Variants in CNTN5 observed in about 807,000 individuals in gnomAD.
CNTN5 encodes contactin 5.
CNTN5 carries 77 observed loss-of-function variants against 129.1 expected under a neutral mutation model. That is an observed-to-expected ratio of 0.60 (90% CI 0.50 to 0.72). The LOEUF (loss-of-function observed/expected upper bound fraction) is 0.72, where lower values mean the gene tolerates loss of function less well. CNTN5 is among the 30% of genes least tolerant of loss of function. The pLI, the probability that CNTN5 is intolerant of heterozygous loss-of-function variation, is 0.00. For synonymous variants in CNTN5, 509 were observed against 465.6 expected, an observed-to-expected ratio of 1.09 and a Z score of -1.20; for missense variants, 1,478 against 1,328.8, an observed-to-expected ratio of 1.11 and a Z score of -1.75.
At chr11:99,645,956 A>G (rs1353207249) in intron 3 of CNTN5, among the ~76,000 whole-genome samples, 1 of 152,196 alleles carries the variant, frequency 6.6e-6, no homozygotes, top group African/African-American at 2.4e-5. Flanking sequence ...TTAAAAAATA[A>G]TTGCCTAATA....
intron 3 of CNTN5, among the ~76,000 whole-genome samples, chr11:99,618,990 A>G (rs947427428): frequency 6.6e-6 from 1 of 152,212 alleles, no homozygotes; most frequent in Non-Finnish European, 1.5e-5. Context: ...TCACATGCCA[A>G]ATGCACATCT....
intron 2 of CNTN5, among the ~76,000 whole-genome samples, chr11:99,437,270 A>G (rs1943636175): frequency 6.6e-6 from 1 of 152,234 alleles, no homozygotes; most frequent in African/African-American, 2.4e-5. Context: ...TCACACAACT[A>G]GGAATGGCTA....
At chr11:99,589,989 A>G (rs550859439) in intron 3 of CNTN5, among the ~76,000 whole-genome samples, 6 of 152,286 alleles carry the variant, frequency 3.9e-5, no homozygotes, top group African/African-American at 1.4e-4. Context: ...CAGAAGAATG[A>G]TTTACGGAGA....
intron 3 of CNTN5, among the ~76,000 whole-genome samples, chr11:99,716,509 T>C (rs1453599694): frequency 6.6e-6 from 1 of 152,062 alleles, no homozygotes; most frequent in Non-Finnish European, 1.5e-5. Context: ...CTTCTTTTCA[T>C]GCTGCTCCCA....
intron 18 of CNTN5, among the ~76,000 whole-genome samples, chr11:100,274,589 A>C (rs1292102351): frequency 6.6e-6 from 1 of 152,246 alleles, no homozygotes; most frequent in African/African-American, 2.4e-5. Context: ...TTTCAAAAGA[A>C]GACATACACG....
intron 3 of CNTN5, among the ~76,000 whole-genome samples, chr11:99,617,621 G>C (rs1413279870): frequency 2.6e-5 from 4 of 152,044 alleles, no homozygotes; most frequent in Admixed American, 1.3e-4. Context: ...GATCCCTATA[G>C]TTCTAGAGGA....
chr11:99,894,566 C>T (rs1228941152), intron 6 of CNTN5, among the ~76,000 whole-genome samples: 1 of 109,290 alleles, frequency 9.1e-6, no homozygotes. Flanking sequence ...ACAAAAAAAA[C>T]AAAACCAAGC....
chr11:100,106,095 G>A (rs12287669), intron 13 of CNTN5, among the ~76,000 whole-genome samples: 1,725 of 152,208 alleles, frequency 0.011, 37 homozygotes, highest in African/African-American at 0.039. Flanking sequence ...ATCAGAAGTC[G>A]GTTTTCCCAC....
chr11:99,847,808 A>G (rs1002316120), intron 6 of CNTN5, among the ~76,000 whole-genome samples: 10 of 152,186 alleles, frequency 6.6e-5, no homozygotes, highest in African/African-American at 2.4e-4. Flanking sequence ...TCGGGGACTC[A>G]GAATCGTTCA....
chr11:99,132,605 C>A (rs573367339), intron 1 of CNTN5, among the ~76,000 whole-genome samples: 58 of 152,058 alleles, frequency 3.8e-4, no homozygotes, highest in African/African-American at 1.4e-3. Context: ...TCCTATACAC[C>A]AACAACAGGC....
chr11:99,374,662 C>A (rs746425052), intron 2 of CNTN5, among the ~76,000 whole-genome samples: 4 of 151,212 alleles, frequency 2.6e-5, no homozygotes, highest in African/African-American at 4.9e-5. Context: ...CCAGCCTGGG[C>A]GACAGAGTGA....
intron 3 of CNTN5, among the ~76,000 whole-genome samples, chr11:99,680,019 T>C (rs2134707698): frequency 6.6e-6 from 1 of 152,314 alleles, no homozygotes; most frequent in East Asian, 1.9e-4. Flanking sequence ...TCTTCAATTC[T>C]TTGAATCCTG....
chr11:100,341,804 TG>T (rs1952168354), intron 23 of CNTN5, among the ~76,000 whole-genome samples: 1 of 152,142 alleles, frequency 6.6e-6, no homozygotes, highest in Admixed American at 6.5e-5. Flanking sequence ...ATGTGATCTA[TG>T]TATTGAATTG....
intron 4 of CNTN5, among the ~76,000 whole-genome samples, chr11:99,826,352 C>A (rs1213995375): frequency 2.6e-5 from 4 of 152,150 alleles, no homozygotes; most frequent in African/African-American, 9.7e-5. Flanking sequence ...AGTTCACAGT[C>A]AAGAAGCTAT....
chr11:100,035,540 C>T (rs1290330978), intron 9 of CNTN5, among the ~76,000 whole-genome samples: 26 of 145,390 alleles, frequency 1.8e-4, no homozygotes, highest in Middle Eastern at 3.5e-3. Context: ...CCTGAGGAAT[C>T]GCCACACTGA....
chr11:99,105,403 A>T lies in CNTN5; in HGVS notation c.-210+84133A>T, dbSNP rs1216605696. On this transcript the variant is annotated intron_variant, in intron 1 of 24. Transcript: ENST00000524871. ...ATGTCCTGGACATGATAAGTGAGCT[A>T]AACTGTACTAACTACCATAAATGTT... is the stretch of plus-strand genomic sequence containing the variant. Among the ~76,000 whole-genome samples, 3 of 152,198 alleles carry T rather than the reference A, an allele frequency of 2.0e-5. No individual in the cohort carries two copies. The East Asian group carries it at 5.8e-4, about 29-fold the overall frequency.
chr11:99,942,696 G>C (rs1950467191), intron 7 of CNTN5, among the ~76,000 whole-genome samples: 1 of 151,926 alleles, frequency 6.6e-6, no homozygotes, highest in African/African-American at 2.4e-5. Flanking sequence ...AACCCCGACA[G>C]GCCCCGGTGT....
intron 1 of CNTN5, among the ~76,000 whole-genome samples, chr11:99,174,751 A>T (rs1252711974): frequency 1.3e-5 from 2 of 151,948 alleles, no homozygotes; most frequent in Non-Finnish European, 2.9e-5. Context: ...CTAGTTATTA[A>T]ATTGGTAATT....
intron 9 of CNTN5, among the ~76,000 whole-genome samples, chr11:100,017,517 A>G (rs1389934389): frequency 6.6e-6 from 1 of 151,994 alleles, no homozygotes; most frequent in Non-Finnish European, 1.5e-5. Flanking sequence ...GTGATAAACT[A>G]GAGTAAGATA....
Sources: allele counts gnomAD v4.1 joint callset (sites outside exome capture counted in the v4.1 genomes callset), GRCh38; gene constraint gnomAD v4.1.1; transcripts MANE v1.5; gene names NCBI Gene and HGNC (gene_info 2026-07-23, HGNC 2026-07-21).